The following PSPC1 variants were observed in gnomAD, a reference collection of about 807,000 sequenced individuals.
The protein encoded by PSPC1 is paraspeckle protein 1.
In PSPC1, 14 loss-of-function variants were observed where a neutral mutation model predicts 51.6. The ratio of observed to expected loss-of-function variants is 0.27; its 90% CI spans 0.18 to 0.42. The LOEUF (loss-of-function observed/expected upper bound fraction) is 0.42. Among genes scored for constraint, PSPC1 ranks in the 10% least tolerant of loss-of-function variants. The pLI, the probability that PSPC1 is intolerant of heterozygous loss-of-function variation, is 1.00. For synonymous variants in PSPC1, 193 were observed against 231.9 expected (o/e 0.83, Z 1.53); for missense variants, 406 against 701.1 (o/e 0.58, Z 4.75).
chr13:19,710,620 G>T (rs898389777), intron 6 of PSPC1, among the ~76,000 whole-genome samples: 2 of 152,062 alleles, frequency 1.3e-5, no homozygotes, highest in African/African-American at 4.8e-5. Context: ...TATAAAGCTG[G>T]AAATAAAATA....
intron 4 of PSPC1, among the ~76,000 whole-genome samples, chr13:19,750,418 C>A (rs1593705310): frequency 1.3e-5 from 2 of 149,774 alleles, no homozygotes; most frequent in African/African-American, 4.9e-5. Flanking sequence ...GGCAACAGAG[C>A]AAGACTCCAT....
chr13:19,763,068 G>A (rs905918059), intron 2 of PSPC1, among the ~76,000 whole-genome samples: 1 of 151,590 alleles, frequency 6.6e-6, no homozygotes, highest in Admixed American at 6.6e-5. Context: ...CCGCGGCATT[G>A]CACTCTAGCC....
intron 1 of PSPC1, among the ~76,000 whole-genome samples, chr13:19,779,690 T>C (rs1456762495): frequency 1.4e-5 from 1 of 69,960 alleles, no homozygotes; most frequent in Admixed American, 1.4e-4. Flanking sequence ...GGTGGGGGGG[T>C]CAGCCCCCCG....
intron 6 of PSPC1, chr13:19,678,122 A>T: frequency 3.5e-6 from 1 of 282,392 alleles, no homozygotes; most frequent in African/African-American, 2.3e-5. Context: ...TTTATTAAGA[A>T]TTTAATTGGC....
chr13:19,733,792 T>A lies in PSPC1; in HGVS notation c.1053-3448A>T, dbSNP rs893615335. Among the ~76,000 whole-genome samples, 193 of 122,016 alleles carry A rather than the reference T, an allele frequency of 1.6e-3. 1 individual carries two copies. The highest frequency in any genetic ancestry group is 4.5e-3 in the African/African-American group (156 of 34,536). The allele number at this position is 122,016 out of a possible 152,430, so 80.0% of individuals were successfully genotyped here. On this transcript the variant is annotated intron_variant, in intron 5 of 8. Transcript: ENST00000338910. Reference sequence around the variant, plus strand: ...ACAAGAAAAAAGAAAAAAAAATATATATATATATATATTAGGCAGGTATGG... The same window carrying A: ...ACAAGAAAAAAGAAAAAAAAATATAAATATATATATATTAGGCAGGTATGG...
intron 5 of PSPC1, among the ~76,000 whole-genome samples, chr13:19,733,368 C>G (rs1246087671): frequency 6.6e-6 from 1 of 152,132 alleles, no homozygotes; most frequent in Non-Finnish European, 1.5e-5. Context: ...TGGCTCACAC[C>G]TGTAATCCCA....
At chr13:19,752,006 T>C (rs1449895537) in intron 3 of PSPC1, among the ~76,000 whole-genome samples, 2 of 152,124 alleles carry the variant, frequency 1.3e-5, no homozygotes, top group African/African-American at 4.8e-5. Flanking sequence ...TATAGTGAGC[T>C]GAGATCCTGC....
At chr13:19,671,824 C>G (rs1176855353), downstream of PSPC1, 3 of 1,613,972 alleles carry the variant, frequency 1.9e-6, no homozygotes, top group Non-Finnish European at 2.5e-6. Flanking sequence ...GCGTTCTTTT[C>G]TTTCAACAGG....
intron 3 of PSPC1, among the ~76,000 whole-genome samples, chr13:19,755,187 G>T (rs1181973316): frequency 6.6e-6 from 1 of 151,682 alleles, no homozygotes; most frequent in Admixed American, 6.6e-5. Context: ...AGTGAGCCAT[G>T]ACCATGCCAT....
At chr13:19,687,157 C>T (rs1289628361) in intron 6 of PSPC1, among the ~76,000 whole-genome samples, 3 of 152,220 alleles carry the variant, frequency 2.0e-5, no homozygotes, top group Admixed American at 6.5e-5. Flanking sequence ...GCTGAAATCG[C>T]GCCACTGCAC....
chr13:19,761,326 T>C (rs921261097), intron 2 of PSPC1, among the ~76,000 whole-genome samples: 1 of 151,670 alleles, frequency 6.6e-6, no homozygotes, highest in Admixed American at 6.6e-5. Flanking sequence ...AAAAGGAGAG[T>C]TCATGGAGGG....
intron 1 of PSPC1, among the ~76,000 whole-genome samples, chr13:19,775,368 A>C (rs1337129364): frequency 3.7e-5 from 4 of 106,886 alleles, no homozygotes; most frequent in Non-Finnish European, 7.9e-5. Flanking sequence ...ATAAATAGAC[A>C]AAAAAAAAAA....
chr13:19,776,813 A>G (rs1889183257), intron 1 of PSPC1, among the ~76,000 whole-genome samples: 2 of 149,974 alleles, frequency 1.3e-5, no homozygotes, highest in Non-Finnish European at 3.0e-5. Context: ...GGCCTACTAT[A>G]TGTAAATTTT....
At chr13:19,723,105 C>A (rs998646601) in intron 6 of PSPC1, among the ~76,000 whole-genome samples, 1 of 152,092 alleles carries the variant, frequency 6.6e-6, no homozygotes, top group Admixed American at 6.5e-5. Context: ...AGCAAGACTC[C>A]CTCCTTAAAA....
At chr13:19,680,748 A>C (rs1392321555) in intron 6 of PSPC1, among the ~76,000 whole-genome samples, 1 of 152,230 alleles carries the variant, frequency 6.6e-6, no homozygotes, top group Non-Finnish European at 1.5e-5. Flanking sequence ...TGGGTCACTA[A>C]GAACTACCCA....
At chr13:19,762,868 T>C (rs1353225386) in intron 2 of PSPC1, among the ~76,000 whole-genome samples, 1 of 152,114 alleles carries the variant, frequency 6.6e-6, no homozygotes, top group East Asian at 1.9e-4. Flanking sequence ...TCCCAGCACT[T>C]TGGGAGGCCA....
At chr13:19,757,116 T>G (rs1887157779) in intron 3 of PSPC1, among the ~76,000 whole-genome samples, 3 of 125,986 alleles carry the variant, frequency 2.4e-5, no homozygotes, top group African/African-American at 8.9e-5. Flanking sequence ...GGCAATGGAG[T>G]GAGACTCCGT....
intron 6 of PSPC1, among the ~76,000 whole-genome samples, chr13:19,727,106 C>G (rs556422238): frequency 1.4e-4 from 22 of 152,290 alleles, no homozygotes; most frequent in African/African-American, 5.1e-4. Context: ...GAAAAAGAAA[C>G]TTCTCAGCTG....
At chr13:19,765,105 G>A (rs1223405834) in intron 2 of PSPC1, among the ~76,000 whole-genome samples, 1 of 151,814 alleles carries the variant, frequency 6.6e-6, no homozygotes, top group Admixed American at 6.6e-5. Flanking sequence ...GAATAGTAAT[G>A]ATAAAATAAT....
Sources: allele counts gnomAD v4.1 joint callset (sites outside exome capture counted in the v4.1 genomes callset), GRCh38; gene constraint gnomAD v4.1.1; transcripts MANE v1.5; gene names NCBI Gene and HGNC (gene_info 2026-07-23, HGNC 2026-07-21).